Variants in TNXB observed in about 807,000 individuals in gnomAD.
The protein encoded by TNXB is tenascin-X.
In TNXB, 183 loss-of-function variants were observed where a neutral mutation model predicts 340.5. The observed-to-expected ratio is 0.54, with a 90% CI of 0.48 to 0.61. TNXB has a LOEUF of 0.61. TNXB is among the 20% of genes least tolerant of loss of function. The pLI, the probability that TNXB is intolerant of heterozygous loss-of-function variation, is 0.00. For synonymous variants in TNXB, 2,121 were observed against 2,314.5 expected (o/e 0.92, Z 2.40); for missense variants, 4,613 against 5,446.4 (o/e 0.85, Z 4.82).
At chr6:32,076,794 T>C (rs2127237654) in intron 11 of TNXB, among the ~76,000 whole-genome samples, 1 of 152,138 alleles carries the variant, frequency 6.6e-6, no homozygotes, top group Middle Eastern at 3.4e-3. Context: ...CCAGCCTGGC[T>C]AACATGGTGA....
rs775418163 is a variant in TNXB, at chr6:32,081,413, G to A, written c.3997C>T (p.Arg1333Cys). ...RKYKMNLYGL[R>C]GRQRVGPESV... is the part of the protein sequence containing the mutation. ...TCGGGCCCCACACGCTGCCTGCCAC[G>A]AAGCCCGTAGAGGTTCATCTTATAC... The change falls in exon 10 of 44, where the codon CGT becomes TGT. Residue 1333 changes from arginine (R) to cysteine (C), a missense_variant. Arg to Cys is a radical substitution (Grantham distance 180). Around this residue, in one of 7 missense-constraint regions of TNXB, gnomAD observed 4,327 missense variants for 4,859.4 expected, o/e 0.89. Coordinates refer to ENST00000644971, the MANE Select transcript of TNXB (RefSeq NM_001365276.2). The surrounding 1 kb of genome is among the most constrained non-coding windows in gnomAD (Gnocchi z 5.1). 1.0e-5 allele frequency: 16 copies of A among 1,550,598 alleles called. No individual in the cohort carries two copies. Among genetic ancestry groups the A allele is most frequent in the South Asian group, 2.4e-5 (2 of 83,592 alleles).
At chr6:32,106,689 C>T (rs1038717377) in intron 1 of TNXB, among the ~76,000 whole-genome samples, 1 of 152,152 alleles carries the variant, frequency 6.6e-6, no homozygotes, top group Non-Finnish European at 1.5e-5. Flanking sequence ...AAGCCCAGGC[C>T]GAGAGGCCTG....
rs1266857791 is a variant in TNXB, at chr6:32,044,196, C to T, written c.11264-67G>A. The T allele has an allele frequency of 3.8e-5, 51 of 1,330,630 alleles. 6 individuals are homozygous for T. Among genetic ancestry groups the T allele is most frequent in the Middle Eastern group, 2.6e-4 (1 of 3,838 alleles). 82.4% of individuals were successfully genotyped at this position (1,330,630 alleles called of 1,614,324 possible). A position where few individuals can be genotyped will look rare whatever the true frequency, so the allele number is the denominator to read the frequency against. On this transcript the variant is annotated intron_variant, in intron 33 of 43. Transcript: ENST00000644971. ...GAGGCTTCTCCCTACGAGTCCCCCC[C>T]TCGCCTCTGCTCCAGCACAGGCTCA...
chr6:32,104,125 C>G (rs920587482), intron 1 of TNXB, among the ~76,000 whole-genome samples: 4 of 152,132 alleles, frequency 2.6e-5, no homozygotes, highest in Non-Finnish European at 1.5e-5. Flanking sequence ...CCAGAACGAC[C>G]AAGTAAGTGA....
chr6:32,068,824 G>C lies in TNXB; in HGVS notation c.5900C>G (p.Thr1967Arg). The change falls in exon 16 of 44, where the codon ACA (threonine) becomes AGA (arginine). Residue 1967 changes from threonine (T) to arginine (R), a missense_variant and splice_region_variant. Transcript: ENST00000644971. This position sits in a 1 kb window ranked among gnomAD's most constrained non-coding sequence, Gnocchi z 5.3. Reference sequence around the variant, plus strand: ...GGCATAGTGGGCAGAGTTCTCACCTGTCAGGGCCTCGACATGGACAGGACC... The same window carrying C: ...GGCATAGTGGGCAGAGTTCTCACCTCTCAGGGCCTCGACATGGACAGGACC... ...HVGPVHVEAL[T>R]VPEEEKPSEP... 1 of 1,604,114 alleles carries C rather than the reference G, an allele frequency of 6.2e-7. No individual in the cohort carries two copies. The highest frequency in any genetic ancestry group is 1.3e-5 in the African/African-American group (1 of 74,904).
chr6:32,049,268 A>T lies in TNXB; in HGVS notation c.9757+2T>A. 3.1e-6 allele frequency: 5 copies of T among 1,607,700 alleles called. No individual in the cohort carries two copies. Among genetic ancestry groups the T allele is most frequent in the Non-Finnish European group, 4.2e-6 (5 of 1,176,522 alleles). The stretch of plus-strand genomic sequence containing the variant: ...GGGACGAGGGCCTGTCCCCCCACTC[A>T]CCCGTGATGCCCACGGTGGACACTG... On this transcript the variant is annotated splice_donor_variant, in intron 28 of 43. Transcript: ENST00000644971. LOFTEE classifies it high-confidence loss of function. The surrounding 1 kb of genome is among the most constrained non-coding windows in gnomAD (Gnocchi z 4.5).
At chr6:32,050,829 G>A (rs1244976442) in intron 26 of TNXB, among the ~76,000 whole-genome samples, 3 of 152,050 alleles carry the variant, frequency 2.0e-5, no homozygotes, top group Non-Finnish European at 4.4e-5. Flanking sequence ...TTGAGCCACT[G>A]TCACCTCTCA....
rs1262452155 is a variant in TNXB at position 32,047,279 on chromosome 6, A to G, written c.10324+455T>C. The stretch of plus-strand genomic sequence containing the variant: ...CCCCTTCCTCAGGGAGCTGAGTCAT[A>G]GGCATAGTGACACCAGGTTTTTCCA... On this transcript the variant is annotated intron_variant, in intron 30 of 43. Coordinates refer to ENST00000644971, the MANE Select transcript of TNXB (RefSeq NM_001365276.2). The surrounding 1 kb of genome is among the most constrained non-coding windows in gnomAD (Gnocchi z 6.2). 1.3e-5 allele frequency among the ~76,000 whole-genome samples: 2 copies of G among 152,242 alleles called. No individual in the cohort carries two copies. The highest frequency in any genetic ancestry group is 3.8e-4 in the East Asian group (2 of 5,196).
In TNXB at chr6:32,082,433, A is replaced by G. The variant is rs1779525500; in HGVS notation, c.3446-107T>C. 8.5e-7 allele frequency: 1 copy of G among 1,173,240 alleles called. No homozygotes were observed. Among genetic ancestry groups the G allele is most frequent in the Admixed American group, 2.2e-5 (1 of 45,116 alleles). 72.7% of individuals were successfully genotyped at this position (1,173,240 alleles called of 1,614,324 possible). A position where few individuals can be genotyped will look rare whatever the true frequency, so the allele number is the denominator to read the frequency against. On this transcript the variant is annotated intron_variant, in intron 8 of 43. Transcript: ENST00000644971. This position sits in a 1 kb window ranked among gnomAD's most constrained non-coding sequence, Gnocchi z 5.0. The stretch of plus-strand genomic sequence containing the variant: ...TGAGGCTGTGCAGGTTGTTCACTGC[A>G]CAAAAGTGCATTTGCTGAGGGAGTA...
In TNXB at chr6:32,061,557, C is replaced by T. The variant is rs1778013979; in HGVS notation, c.7332G>A (p.Gln2444=). 1.2e-6 allele frequency: 2 copies of T among 1,613,442 alleles called. No individual in the cohort carries two copies. The highest frequency in any genetic ancestry group is 1.7e-5 in the Admixed American group (1 of 60,010). The change falls in exon 21 of 44, where the codon CAG becomes CAA. Residue 2444 remains glutamine, a synonymous_variant. Coordinates refer to ENST00000644971, the MANE Select transcript of TNXB (RefSeq NM_001365276.2). This position sits in a 1 kb window ranked among gnomAD's most constrained non-coding sequence, Gnocchi z 4.4. ...PQGRFDSFTV[Q]YKDRDGRPQV... is the part of the protein sequence containing the mutation. ...GGGGCCGCCCGTCCCTGTCCTTGTACTGCACGGTGAAGGAGTCGAAGCGGC... is the reference window on the plus strand; with the variant it reads ...GGGGCCGCCCGTCCCTGTCCTTGTATTGCACGGTGAAGGAGTCGAAGCGGC...
intron 11 of TNXB, chr6:32,078,447 C>CAAAAAAAAAAAAAAAAAAA (rs755788673): frequency 1.7e-5 from 1 of 57,220 alleles, no homozygotes; most frequent in Non-Finnish European, 3.3e-5. Flanking sequence ...GACTCTGTCT[C>CAAAAAAAAAAAAAAAAAAA]AAAAAAAAAA....
chr6:32,053,018 G>A (rs1241888709), intron 25 of TNXB, 25 bp from the exon 26 acceptor site: 1 of 1,600,732 alleles, frequency 6.2e-7, no homozygotes, highest in African/African-American at 1.3e-5. Flanking sequence ...CAGAGAAGGT[G>A]AGGCAGCTTC....
At position 32,065,046 on chromosome 6, in the gene TNXB, T is replaced by C. The variant is rs371672736; in HGVS notation, c.6616A>G (p.Thr2206Ala). Residue 2206 changes from threonine to alanine, a missense_variant, in exon 19 of 44, where the codon ACC becomes GCC. Physicochemically the swap from Thr to Ala is moderately conservative, Grantham distance 58. Coordinates refer to ENST00000644971, the MANE Select transcript of TNXB (RefSeq NM_001365276.2). ...CAGGAGAGGCTGAGGGAGTCGGAGG[T>C]GATGTCTCTCACTGTCATCTGCCCT... Reference protein sequence around the residue: ...RLGQMTVRDITSDSLSLSWTV... With the variant: ...RLGQMTVRDIASDSLSLSWTV... 40 of 1,605,136 alleles carry C rather than the reference T, an allele frequency of 2.5e-5. No homozygotes were observed. The highest frequency in any genetic ancestry group is 3.3e-5 in the Non-Finnish European group (39 of 1,176,534).
rs1485371540 is a variant in TNXB, at chr6:32,065,037, A to G, written c.6625T>C (p.Ser2209Pro). ...QMTVRDITSD[S>P]LSLSWTVPEG... ...GGGACTGTCCAGGAGAGGCTGAGGG[A>G]GTCGGAGGTGATGTCTCTCACTGTC... is the stretch of plus-strand genomic sequence containing the variant. Residue 2209 changes from serine to proline, a missense_variant, in exon 19 of 44, where the codon TCC (serine) becomes CCC (proline). Ser to Pro is a moderately conservative substitution (Grantham distance 74). Around this residue, in one of 7 missense-constraint regions of TNXB, gnomAD observed 4,327 missense variants for 4,859.4 expected, o/e 0.89. Coordinates refer to ENST00000644971, the MANE Select transcript of TNXB (RefSeq NM_001365276.2). The G allele has an allele frequency of 5.0e-6, 8 of 1,607,430 alleles. No homozygotes were observed. Among genetic ancestry groups the G allele is most frequent in the Non-Finnish European group, 6.8e-6 (8 of 1,177,476 alleles).
At position 32,046,239 on chromosome 6, in the gene TNXB, C is replaced by T. The variant is rs1463519687; in HGVS notation, c.10542G>A (p.Lys3514=). 6.2e-7 allele frequency: 1 copy of T among 1,604,964 alleles called. No individual in the cohort carries two copies. The highest frequency in any genetic ancestry group is 1.1e-5 in the South Asian group (1 of 89,454). The change falls in exon 31 of 44, where the codon AAG becomes AAA. Residue 3514 remains lysine (K), a synonymous_variant. Transcript: ENST00000644971. The surrounding 1 kb of genome is among the most constrained non-coding windows in gnomAD (Gnocchi z 6.9). ...VEDLEPGKKY[K]FLLYGLLGGK... is the part of the protein sequence containing the mutation. ...CCCCAAGGAGCCCGTAGAGCAGAAA[C>T]TTGTATTTCTTGCCAGGCTCCAGGT... is the stretch of plus-strand genomic sequence containing the variant.
At chr6:32,102,211 T>C (rs1002224407) in intron 1 of TNXB, among the ~76,000 whole-genome samples, 6 of 152,236 alleles carry the variant, frequency 3.9e-5, no homozygotes, top group Non-Finnish European at 8.8e-5. Flanking sequence ...GAGCATATAT[T>C]AATGCAAACA....
At chr6:32,107,090 C>A (rs1343796716) in intron 1 of TNXB, among the ~76,000 whole-genome samples, 1 of 152,216 alleles carries the variant, frequency 6.6e-6, no homozygotes, top group Non-Finnish European at 1.5e-5. Flanking sequence ...GAGGGCAGCT[C>A]TGTGAGTGAA....
chr6:32,059,799 G>A (rs1777902470), intron 21 of TNXB, among the ~76,000 whole-genome samples: 1 of 151,898 alleles, frequency 6.6e-6, no homozygotes, highest in Non-Finnish European at 1.5e-5. Context: ...AGATGAGCTC[G>A]CACCTCACTT....
rs1289726525 is a variant in TNXB at position 32,068,616 on chromosome 6, G to C, written c.5994C>G (p.Ala1998=). The C allele has an allele frequency of 1.1e-5, 17 of 1,613,800 alleles. No homozygotes were observed. The highest frequency in any genetic ancestry group is 1.4e-5 in the Non-Finnish European group (16 of 1,179,886). The change falls in exon 17 of 44, where the codon GCC becomes GCG. Residue 1998 remains alanine, a synonymous_variant. Transcript: ENST00000644971. This position sits in a 1 kb window ranked among gnomAD's most constrained non-coding sequence, Gnocchi z 5.3. The part of the protein sequence containing the change: ...PRLGELTVTD[A]TPDSLSLSWT... ...AGGACAGGCTGAGGGAGTCAGGGGT[G>C]GCATCTGTCACGGTCAGCTCCCCCA...
Sources: allele counts gnomAD v4.1 joint callset (sites outside exome capture counted in the v4.1 genomes callset), GRCh38; gene constraint gnomAD v4.1.1; regional missense constraint gnomAD v4.1.1; non-coding constraint Gnocchi (gnomAD v3.1); transcripts MANE v1.5; gene names NCBI Gene and HGNC (gene_info 2026-07-23, HGNC 2026-07-21).